The following LRRC37A2 variants were observed in gnomAD, a reference collection of about 807,000 sequenced individuals.
LRRC37A2 encodes the protein leucine rich repeat containing 37 member A2.
Under a neutral mutation model 68.8 loss-of-function variants are expected in LRRC37A2, and 9 were observed. The observed-to-expected ratio is 0.13, with a 90% CI of 0.08 to 0.23. The LOEUF is 0.23. LRRC37A2 is among the 10% of genes least tolerant of loss of function. The pLI is 1.00. For missense variants in LRRC37A2, 168 were observed against 950.4 expected, an observed-to-expected ratio of 0.18 and a Z score of 10.82; for synonymous variants, 63 against 367.6, an observed-to-expected ratio of 0.17 and a Z score of 9.48.
the LRRC37A2 span, among the ~76,000 whole-genome samples, chr17:46,812,105 G>A: frequency 7.2e-5 from 11 of 152,282 alleles, no homozygotes; most frequent in Admixed American, 2.6e-4. Context: ...GAGAAGTCCC[G>A]GGAGATGGGA....
the LRRC37A2 span, among the ~76,000 whole-genome samples, chr17:46,880,008 T>C: frequency 6.6e-6 from 1 of 152,214 alleles, no homozygotes; most frequent in African/African-American, 2.4e-5. Flanking sequence ...CTCTCATTTG[T>C]GTTTTGCTTG....
chr17:46,896,573 T>C, the LRRC37A2 span, among the ~76,000 whole-genome samples: 2 of 151,914 alleles, frequency 1.3e-5, no homozygotes, highest in Non-Finnish European at 2.9e-5. Flanking sequence ...GAGTTTGAGA[T>C]CAGCCTAGGT....
the LRRC37A2 span, among the ~76,000 whole-genome samples, chr17:47,000,680 G>A: frequency 2.0e-5 from 3 of 152,124 alleles, no homozygotes; most frequent in Admixed American, 2.0e-4. Flanking sequence ...TCACTGACAT[G>A]CTAACTTATG....
At chr17:46,818,496 G>T in the LRRC37A2 span, 1 of 1,593,354 alleles carries the variant, frequency 6.3e-7, no homozygotes, top group South Asian at 1.1e-5. Context: ...CGGGCCGCGG[G>T]CAGACAAGAG....
chr17:46,932,212 C>T, the LRRC37A2 span: 29 of 1,613,826 alleles, frequency 1.8e-5, no homozygotes, highest in African/African-American at 4.0e-5. Flanking sequence ...AAGCCAGGCC[C>T]GTGGTGAGGG....
At chr17:46,765,649 C>T in the LRRC37A2 span, among the ~76,000 whole-genome samples, 2 of 152,260 alleles carry the variant, frequency 1.3e-5, no homozygotes, top group East Asian at 3.9e-4. Flanking sequence ...TCCCGTCTTG[C>T]CTAGCGGAGT....
the LRRC37A2 span, chr17:46,833,296 C>T: frequency 2.6e-5 from 13 of 492,302 alleles, no homozygotes; most frequent in East Asian, 1.1e-4. Context: ...CAAGTTCTAA[C>T]GTCCCACTGA....
At chr17:46,950,497 G>T in the LRRC37A2 span, among the ~76,000 whole-genome samples, 2 of 152,210 alleles carry the variant, frequency 1.3e-5, no homozygotes, top group Non-Finnish European at 2.9e-5. Flanking sequence ...CCCAGGGAAA[G>T]GCCCAATTAA....
intron 6 of LRRC37A2, among the ~76,000 whole-genome samples, chr17:46,534,904 C>T (rs1203809552): frequency 6.0e-5 from 9 of 149,394 alleles, no homozygotes; most frequent in South Asian, 2.1e-4. Flanking sequence ...GGCTGCTGGG[C>T]GGAGGGGCTC....
the LRRC37A2 span, chr17:46,710,928 G>A: frequency 8.4e-6 from 13 of 1,551,314 alleles, no homozygotes; most frequent in Middle Eastern, 2.1e-4. Context: ...TTAACACTAA[G>A]GCTCAAAATG....
the LRRC37A2 span, among the ~76,000 whole-genome samples, chr17:46,684,694 G>A: frequency 6.7e-6 from 1 of 149,640 alleles, no homozygotes; most frequent in South Asian, 2.2e-4. Context: ...AAACTGGCTA[G>A]CCATATGCAG....
At chr17:46,923,087 A>T in the LRRC37A2 span, 1 of 790,192 alleles carries the variant, frequency 1.3e-6, no homozygotes. Flanking sequence ...CCTGGCCGGC[A>T]GGGGAGGGAG....
the LRRC37A2 span, among the ~76,000 whole-genome samples, chr17:47,029,506 T>C: frequency 6.6e-6 from 1 of 152,200 alleles, no homozygotes; most frequent in Non-Finnish European, 1.5e-5. Context: ...TTCAGAAATC[T>C]AGTTTCACAC....
At chr17:46,554,086 T>C in intron 12 of LRRC37A2, 2 of 982,094 alleles carry the variant, frequency 2.0e-6, no homozygotes, top group Non-Finnish European at 2.4e-6. Flanking sequence ...GAGGAAACAC[T>C]ATTTTCTCAT....
At chr17:46,841,893 G>C in the LRRC37A2 span, among the ~76,000 whole-genome samples, 1 of 151,796 alleles carries the variant, frequency 6.6e-6, no homozygotes, top group Non-Finnish European at 1.5e-5. Context: ...CTCCTCTGCG[G>C]TGTGTGGGGG....
chr17:46,553,566 G>C (rs1420021748), intron 12 of LRRC37A2, 117 bp downstream of exon 11: 1 of 1,389,374 alleles, frequency 7.2e-7, no homozygotes, highest in East Asian at 2.6e-5. Flanking sequence ...CACTTCCCAG[G>C]TTCAAGCGAT....
chr17:46,897,095 C>G, the LRRC37A2 span, among the ~76,000 whole-genome samples: 1 of 152,176 alleles, frequency 6.6e-6, no homozygotes, highest in Non-Finnish European at 1.5e-5. Context: ...GAGAAAGAAT[C>G]TGCTGCGACC....
chr17:46,728,723 C>G, the LRRC37A2 span: 1 of 431,960 alleles, frequency 2.3e-6, no homozygotes, highest in East Asian at 3.5e-5. Context: ...TTTTTTTTTT[C>G]TTATTCTATA....
the LRRC37A2 span, chr17:46,931,036 A>T: frequency 2.2e-6 from 2 of 908,630 alleles, no homozygotes; most frequent in Non-Finnish European, 3.7e-6. Flanking sequence ...TCTGTGATTT[A>T]TCATTGTAAT....
Sources: allele counts gnomAD v4.1 joint callset (sites outside exome capture counted in the v4.1 genomes callset), GRCh38; gene constraint gnomAD v4.1.1; transcripts MANE v1.5; gene names NCBI Gene and HGNC (gene_info 2026-07-23, HGNC 2026-07-21).